The following BUB1 variants were observed in gnomAD, a reference collection of about 807,000 sequenced individuals.
The protein encoded by BUB1 is BUB1 mitotic checkpoint serine/threonine kinase, also known as mitotic checkpoint serine/threonine-protein kinase BUB1.
BUB1 carries 84 observed loss-of-function variants against 135.2 expected under a neutral mutation model. The observed-to-expected ratio is 0.62, with a 90% CI of 0.52 to 0.74. The LOEUF is 0.74. Ranked by LOEUF, BUB1 falls within the 30% of genes least tolerant of loss-of-function variation. BUB1 has a pLI of 0.00. For missense variants in BUB1, 1,162 were observed against 1,288.3 expected (o/e 0.90, Z 1.50); for synonymous variants, 403 against 434.4 (o/e 0.93, Z 0.90).
chr2:110,666,834 C>A (rs1219980629), intron 8 of BUB1, among the ~76,000 whole-genome samples: 3 of 152,166 alleles, frequency 2.0e-5, no homozygotes, highest in African/African-American at 7.2e-5. Context: ...ATGATCAGGG[C>A]TTCAAGCATG....
chr2:110,677,763 G>C (rs558387680), intron 1 of BUB1, among the ~76,000 whole-genome samples: 1 of 152,364 alleles, frequency 6.6e-6, no homozygotes, highest in East Asian at 1.9e-4. Context: ...GCGCAGATGG[G>C]CGGACAAGCG....
chr2:110,651,668 C>T (rs1413553687), intron 17 of BUB1, among the ~76,000 whole-genome samples: 1 of 152,200 alleles, frequency 6.6e-6, no homozygotes, highest in Non-Finnish European at 1.5e-5. Context: ...TCACCACTCA[C>T]TCACTCACTG....
At chr2:110,656,065 G>A (rs1311404809) in intron 15 of BUB1, 149 bp from the exon 16 acceptor site, 1 of 635,662 alleles carries the variant, frequency 1.6e-6, no homozygotes, top group African/African-American at 1.8e-5. Flanking sequence ...CAATATCATG[G>A]TTCAGTTCTT....
At chr2:110,659,891 G>A (rs542419301) in intron 11 of BUB1, 87 bp downstream of exon 11, 14 of 1,101,258 alleles carry the variant, frequency 1.3e-5, no homozygotes, top group African/African-American at 4.7e-5. Flanking sequence ...AAGGCCTGAA[G>A]CCTTCATAAA....
intron 11 of BUB1, 125 bp from the exon 12 acceptor site, chr2:110,658,867 T>C: frequency 8.2e-7 from 1 of 1,222,116 alleles, no homozygotes; most frequent in Admixed American, 2.2e-5. Context: ...ACTAAGAATT[T>C]CCAGTATTAT....
At chr2:110,677,700 G>C (rs1690629121) in intron 1 of BUB1, among the ~76,000 whole-genome samples, 1 of 152,166 alleles carries the variant, frequency 6.6e-6, no homozygotes, top group Non-Finnish European at 1.5e-5. Context: ...AAGAATAAAC[G>C]AGAGCTCTGA....
chr2:110,639,740 A>C lies in BUB1; in HGVS notation c.3062+2T>G, dbSNP rs1392042346. Reference sequence around the variant, plus strand: ...CACTACAGCACCAATGCTAATACTCACCTTCTAAAAAGACCTTCAGGCTTA... The same window carrying C: ...CACTACAGCACCAATGCTAATACTCCCCTTCTAAAAAGACCTTCAGGCTTA... On this transcript the variant is annotated splice_donor_variant, in intron 24 of 24. Transcript: ENST00000302759. LOFTEE classifies it high-confidence loss of function. The C allele has an allele frequency of 6.2e-7, 1 of 1,601,172 alleles. No individual in the cohort carries two copies. Among genetic ancestry groups the C allele is most frequent in the Admixed American group, 1.7e-5 (1 of 59,880 alleles).
At position 110,672,816 on chromosome 2, in the gene BUB1, C is replaced by T. The variant is rs1428271000; in HGVS notation, c.267G>A (p.Leu89=). Residue 89 remains leucine (L), a synonymous_variant, in exon 4 of 25, where the codon CTG becomes CTA. Transcript: ENST00000302759. ...ACAGGGTTCCAATCCCATGGTTGTA[C>T]AGAAACTCAAAAAATTGATGGAGGT... ...NSDLHQFFEF[L]YNHGIGTLSS... is the part of the protein sequence containing the mutation. 1 of 1,608,762 alleles carries T rather than the reference C, an allele frequency of 6.2e-7. No individual in the cohort carries two copies. Among genetic ancestry groups the T allele is most frequent in the Non-Finnish European group, 8.5e-7 (1 of 1,178,478 alleles).
chr2:110,676,051 A>C (rs920373053), intron 1 of BUB1, among the ~76,000 whole-genome samples: 1 of 152,186 alleles, frequency 6.6e-6, no homozygotes. Context: ...AAGCTAAATA[A>C]AGACAACTAT....
At chr2:110,663,308 C>T (rs1217681748) in intron 9 of BUB1, among the ~76,000 whole-genome samples, 2 of 152,032 alleles carry the variant, frequency 1.3e-5, no homozygotes, top group Non-Finnish European at 2.9e-5. Flanking sequence ...AGTAAATACA[C>T]CTATGAAATG....
At chr2:110,670,493 A>T in intron 5 of BUB1, 32 bp downstream of exon 5, 2 of 1,611,076 alleles carry the variant, frequency 1.2e-6, no homozygotes, top group East Asian at 4.5e-5. Flanking sequence ...CTAAATGGAC[A>T]ACAACAGGCA....
intron 9 of BUB1, among the ~76,000 whole-genome samples, chr2:110,664,405 C>T (rs1049589606): frequency 2.6e-5 from 4 of 152,142 alleles, no homozygotes; most frequent in East Asian, 1.9e-4. Context: ...ACCAATAGCG[C>T]AAGCCAAAAA....
chr2:110,666,245 A>T lies in BUB1; in HGVS notation c.957+18T>A. 2.2e-6 allele frequency: 3 copies of T among 1,351,010 alleles called. No individual in the cohort carries two copies. Among genetic ancestry groups the T allele is most frequent in the Non-Finnish European group, 2.9e-6 (3 of 1,041,558 alleles). The allele number at this position is 1,351,010 out of a possible 1,614,324, so 83.7% of individuals were successfully genotyped here. On this transcript the variant is annotated intron_variant, in intron 9 of 24. Transcript: ENST00000302759. ...CCTGCTGCTGGGCACAGGATGTGTC[A>T]TGAGGAGCACAACATACCTCGGACC...
At chr2:110,669,989 T>G (rs796517326) in intron 5 of BUB1, among the ~76,000 whole-genome samples, 19 of 152,266 alleles carry the variant, frequency 1.2e-4, no homozygotes, top group African/African-American at 4.6e-4. Flanking sequence ...TATCAATTTT[T>G]TTTTTGCAGG....
chr2:110,675,059 A>G (rs1690535589), intron 1 of BUB1: 1 of 152,622 alleles, frequency 6.6e-6, no homozygotes, highest in Non-Finnish European at 1.5e-5. Flanking sequence ...CTTCAAAGTA[A>G]CAAAGTCCCT....
intron 19 of BUB1, among the ~76,000 whole-genome samples, chr2:110,645,585 A>C (rs907351961): frequency 6.8e-6 from 1 of 146,610 alleles, no homozygotes; most frequent in Non-Finnish European, 1.5e-5. Flanking sequence ...CGTTACGTGT[A>C]TGTGTGTGTG....
At chr2:110,655,199 TATC>T (rs1232501994) in intron 16 of BUB1, among the ~76,000 whole-genome samples, 2 of 152,234 alleles carry the variant, frequency 1.3e-5, no homozygotes, top group Non-Finnish European at 2.9e-5. Context: ...TTGTGAGTTT[TATC>T]ATTACTTTCT....
Position 110,669,473 on chromosome 2 carries a change from C to G in BUB1, c.547G>C (p.Ala183Pro), listed in dbSNP as rs1366279538. ...TSKSNPGNNM[A>P]CISKNQGSEL... is the part of the protein sequence containing the mutation. Reference sequence around the variant, plus strand: ...ATTACCTGATTCTTAGAAATGCAGGCCATGTTATTTCCTGGATTTGATTTT... The same window carrying G: ...ATTACCTGATTCTTAGAAATGCAGGGCATGTTATTTCCTGGATTTGATTTT... Residue 183 changes from alanine (A) to proline (P), a missense_variant, in exon 6 of 25, where the codon GCC becomes CCC. Transcript: ENST00000302759. The G allele has an allele frequency of 1.9e-6, 3 of 1,597,852 alleles. No individual in the cohort carries two copies. The Admixed American group carries it at 5.0e-5, about 27-fold the overall frequency.
In BUB1 at chr2:110,674,119, A is replaced by G; in HGVS notation, c.192T>C (p.Asn64=). The G allele has an allele frequency of 6.5e-7, 1 of 1,548,632 alleles. No individual in the cohort carries two copies. Among genetic ancestry groups the G allele is most frequent in the Non-Finnish European group, 8.9e-7 (1 of 1,121,814 alleles). Residue 64 remains asparagine (N), a synonymous_variant, in exon 3 of 25, where the codon AAT becomes AAC. Coordinates refer to ENST00000302759, the MANE Select transcript of BUB1 (RefSeq NM_004336.5). ...AACAATAACTGATGAATCTTGGGTC[A>G]TTGTGGTATTTCTTCTTATCTAAAA... ...KEFLDKKKYH[N]DPRFISYCLK... is the part of the protein sequence containing the mutation.
Sources: allele counts gnomAD v4.1 joint callset (sites outside exome capture counted in the v4.1 genomes callset), GRCh38; gene constraint gnomAD v4.1.1; transcripts MANE v1.5; gene names NCBI Gene and HGNC (gene_info 2026-07-23, HGNC 2026-07-21).